Variants in SNCB observed in about 807,000 individuals in gnomAD.
SNCB encodes synuclein beta.
A neutral mutation model predicts 20.0 loss-of-function variants in SNCB; 8 were observed. The ratio of observed to expected loss-of-function variants is 0.40; its 90% CI spans 0.24 to 0.72. The LOEUF (loss-of-function observed/expected upper bound fraction) is 0.72. Among genes scored for constraint, SNCB ranks in the 30% least tolerant of loss-of-function variants. SNCB has a pLI of 0.37. For synonymous variants in SNCB, 56 were observed against 65.4 expected (o/e 0.86, Z 0.69); for missense variants, 125 against 168.0 (o/e 0.74, Z 1.41).
chr5:176,625,294 G>A (rs139343708), intron 4 of SNCB, among the ~76,000 whole-genome samples: 128 of 152,226 alleles, frequency 8.4e-4, no homozygotes, highest in African/African-American at 3.0e-3. Flanking sequence ...AACCTCACCC[G>A]GGTACTTGTT....
rs149810240 is a variant in SNCB, at chr5:176,621,217, G to A, written c.369C>T (p.Pro123=). Residue 123 remains proline (P), a synonymous_variant, in exon 5 of 6, where the codon CCC becomes CCT. Coordinates refer to ENST00000393693, the MANE Select transcript of SNCB (RefSeq NM_003085.5). The surrounding 1 kb of genome is among the most constrained non-coding windows in gnomAD (Gnocchi z 4.1). The part of the protein sequence containing the change: ...EPEGESYEDP[P]QEEYQEYEPE... ...CCCAGCCCTGCTGCCCCCTCACCTG[G>A]GGTGGGTCCTCATAACTCTCCCCTT... 2 of 1,611,862 alleles carry A rather than the reference G, an allele frequency of 1.2e-6. No individual in the cohort carries two copies. Among genetic ancestry groups the A allele is most frequent in the African/African-American group, 2.7e-5 (2 of 74,872 alleles).
At position 176,620,674 on chromosome 5, in the gene SNCB, G is replaced by A. The variant is rs1759522432; in HGVS notation, c.*137C>T. On this transcript the variant is annotated 3_prime_UTR_variant, in exon 6 of 6. Transcript: ENST00000393693. The surrounding 1 kb of genome is among the most constrained non-coding windows in gnomAD (Gnocchi z 4.5). ...AGACAGATGGACAGACACTAACACAGGCTCCGAGGGGGTTGCCTCAGAGCG... is the reference window on the plus strand; with the variant it reads ...AGACAGATGGACAGACACTAACACAAGCTCCGAGGGGGTTGCCTCAGAGCG... 1.3e-6 allele frequency: 1 copy of A among 751,358 alleles called. No homozygotes were observed. Among genetic ancestry groups the A allele is most frequent in the African/African-American group, 1.7e-5 (1 of 58,590 alleles). The allele number at this position is 751,358 out of a possible 1,614,324, so 46.5% of individuals were successfully genotyped here. A position where few individuals can be genotyped will look rare whatever the true frequency, so the allele number is the denominator to read the frequency against.
rs971220918 is a variant in SNCB, at chr5:176,626,842, T to A, written c.122-81A>T. 4.1e-5 allele frequency: 60 copies of A among 1,478,186 alleles called. No homozygotes were observed. The highest frequency in any genetic ancestry group is 3.5e-4 in the Middle Eastern group (2 of 5,706). The allele number at this position is 1,478,186 out of a possible 1,614,324, so 91.6% of individuals were successfully genotyped here. ...CCAGCACAGCATGGTGATTACAGAG[T>A]GGGCATCCTGGCCCCGTCACTGCCT... On this transcript the variant is annotated intron_variant, in intron 2 of 5. Transcript: ENST00000393693. The surrounding 1 kb of genome is among the most constrained non-coding windows in gnomAD (Gnocchi z 4.2).
At position 176,621,904 on chromosome 5, in the gene SNCB, T is replaced by C. The variant is rs1185509666; in HGVS notation, c.283-601A>G. ...CCAGACAGGCGCAGACCAGCGGGCA[T>C]GCATGTGGGCGGGCTGCCAGACACA... is the stretch of plus-strand genomic sequence containing the variant. On this transcript the variant is annotated intron_variant, in intron 4 of 5. Coordinates refer to ENST00000393693, the MANE Select transcript of SNCB (RefSeq NM_003085.5). The surrounding 1 kb of genome is among the most constrained non-coding windows in gnomAD (Gnocchi z 4.1). Among the ~76,000 whole-genome samples the C allele has an allele frequency of 1.3e-5, 2 of 152,224 alleles. No homozygotes were observed. Among genetic ancestry groups the C allele is most frequent in the African/African-American group, 2.4e-5 (1 of 41,464 alleles).
chr5:176,621,069 C>T lies in SNCB; in HGVS notation c.372+145G>A. 3.8e-6 allele frequency: 3 copies of T among 784,764 alleles called. No homozygotes were observed. Among genetic ancestry groups the T allele is most frequent in the Non-Finnish European group, 6.5e-6 (3 of 458,162 alleles). 48.6% of individuals were successfully genotyped at this position (784,764 alleles called of 1,614,324 possible). On this transcript the variant is annotated intron_variant, in intron 5 of 5. Transcript: ENST00000393693. The surrounding 1 kb of genome is among the most constrained non-coding windows in gnomAD (Gnocchi z 4.1). Reference sequence around the variant, plus strand: ...CCTATCTGCCCTCTCCTCCCTGCTCCCACCTCCTGGGGCCTGGGTTCTAGA... The same window carrying T: ...CCTATCTGCCCTCTCCTCCCTGCTCTCACCTCCTGGGGCCTGGGTTCTAGA...
At position 176,620,673 on chromosome 5, in the gene SNCB, A is replaced by G. The variant is rs1759522282; in HGVS notation, c.*138T>C. 3 of 748,462 alleles carry G rather than the reference A, an allele frequency of 4.0e-6. No individual in the cohort carries two copies. Among genetic ancestry groups the G allele is most frequent in the Admixed American group, 3.6e-5 (2 of 56,272 alleles). The allele number at this position is 748,462 out of a possible 1,614,324, so 46.4% of individuals were successfully genotyped here. The stretch of plus-strand genomic sequence containing the variant: ...CAGACAGATGGACAGACACTAACAC[A>G]GGCTCCGAGGGGGTTGCCTCAGAGC... On this transcript the variant is annotated 3_prime_UTR_variant, in exon 6 of 6. Transcript: ENST00000393693. This position sits in a 1 kb window ranked among gnomAD's most constrained non-coding sequence, Gnocchi z 4.5.
chr5:176,623,656 T>G (rs1759754341), intron 4 of SNCB, among the ~76,000 whole-genome samples: 2 of 151,408 alleles, frequency 1.3e-5, no homozygotes, highest in African/African-American at 4.9e-5. Flanking sequence ...ACAAGGGGAG[T>G]TCCCTTTGTG....
In SNCB at chr5:176,629,660, C is replaced by A. The variant is rs200888667; in HGVS notation, c.-6G>T. ...CCCTTCATGAACACGTCCATCCTGG[C>A]GGCCTGGGGAGGGCGATACACGGGC... On this transcript the variant is annotated 5_prime_UTR_variant, in exon 2 of 6. Coordinates refer to ENST00000393693, the MANE Select transcript of SNCB (RefSeq NM_003085.5). This position sits in a 1 kb window ranked among gnomAD's most constrained non-coding sequence, Gnocchi z 4.1. The A allele has an allele frequency of 8.1e-6, 13 of 1,612,970 alleles. No individual in the cohort carries two copies. The East Asian group carries it at 1.8e-4, about 22-fold the overall frequency.
intron 2 of SNCB, among the ~76,000 whole-genome samples, chr5:176,627,861 G>A (rs1188847736): frequency 6.6e-6 from 1 of 152,254 alleles, no homozygotes; most frequent in Non-Finnish European, 1.5e-5. Context: ...TCAGTTCCTG[G>A]ACCTCAAGTA....
chr5:176,627,574 G>A (rs1404615777), intron 2 of SNCB, among the ~76,000 whole-genome samples: 2 of 152,240 alleles, frequency 1.3e-5, no homozygotes, highest in African/African-American at 2.4e-5. Context: ...CGGAAACGGG[G>A]TGGGGAGTAT....
rs1357558856 is a variant in SNCB, at chr5:176,621,974, G to A, written c.283-671C>T. ...GACCACATGTATGTGAACAAACATG[G>A]GACTGAGCTGGCTGCACACACAAGC... On this transcript the variant is annotated intron_variant, in intron 4 of 5. Coordinates refer to ENST00000393693, the MANE Select transcript of SNCB (RefSeq NM_003085.5). The surrounding 1 kb of genome is among the most constrained non-coding windows in gnomAD (Gnocchi z 4.1). 6.6e-6 allele frequency among the ~76,000 whole-genome samples: 1 copy of A among 152,250 alleles called. No homozygotes were observed. The highest frequency in any genetic ancestry group is 1.5e-5 in the Non-Finnish European group (1 of 68,038).
rs1416227080 is a variant in SNCB at position 176,626,859 on chromosome 5, T to A, written c.122-98A>T. On this transcript the variant is annotated intron_variant, in intron 2 of 5. Transcript: ENST00000393693. The surrounding 1 kb of genome is among the most constrained non-coding windows in gnomAD (Gnocchi z 4.2). ...TTACAGAGTGGGCATCCTGGCCCCG[T>A]CACTGCCTCCTTGGGTCCCCACATC... 1 of 1,299,014 alleles carries A rather than the reference T, an allele frequency of 7.7e-7. No individual in the cohort carries two copies. Among genetic ancestry groups the A allele is most frequent in the Non-Finnish European group, 1.1e-6 (1 of 895,110 alleles). The allele number at this position is 1,299,014 out of a possible 1,614,324, so 80.5% of individuals were successfully genotyped here.
At chr5:176,622,738 T>A (rs1759682508) in intron 4 of SNCB, among the ~76,000 whole-genome samples, 2 of 142,898 alleles carry the variant, frequency 1.4e-5, no homozygotes, top group Non-Finnish European at 1.5e-5. Flanking sequence ...ATGACTTTTT[T>A]TTTTTTTTTT....
At chr5:176,628,640 CA>C (rs1322233933) in intron 2 of SNCB, among the ~76,000 whole-genome samples, 1 of 152,166 alleles carries the variant, frequency 6.6e-6, no homozygotes, top group Non-Finnish European at 1.5e-5. Flanking sequence ...GGCTTTTCTG[CA>C]GCCCTGCCCC....
Position 176,629,157 on chromosome 5 carries a change from C to T in SNCB, c.121+377G>A, listed in dbSNP as rs183437371. Among the ~76,000 whole-genome samples the T allele has an allele frequency of 1.3e-5, 2 of 152,056 alleles. No individual in the cohort carries two copies. The highest frequency in any genetic ancestry group is 2.4e-5 in the African/African-American group (1 of 41,456). On this transcript the variant is annotated intron_variant, in intron 2 of 5. Transcript: ENST00000393693. The surrounding 1 kb of genome is among the most constrained non-coding windows in gnomAD (Gnocchi z 4.1). ...AGTTTCCCTTACCTGTAGAATGGGCCGAAGCATTACATGAGGAAATGGATG... is the reference window on the plus strand; with the variant it reads ...AGTTTCCCTTACCTGTAGAATGGGCTGAAGCATTACATGAGGAAATGGATG...
chr5:176,622,720 C>A (rs1759678458), intron 4 of SNCB, among the ~76,000 whole-genome samples: 1 of 148,112 alleles, frequency 6.8e-6, no homozygotes, highest in Admixed American at 6.7e-5. Flanking sequence ...AAGAGCATGG[C>A]CTTCATGATG....
In SNCB at chr5:176,629,867, G is replaced by T. The variant is rs1016596826; in HGVS notation, c.-9-204C>A. 1 of 633,058 alleles carries T rather than the reference G, an allele frequency of 1.6e-6. No individual in the cohort carries two copies. The highest frequency in any genetic ancestry group is 1.9e-5 in the African/African-American group (1 of 53,878). The allele number at this position is 633,058 out of a possible 1,614,324, so 39.2% of individuals were successfully genotyped here. ...AGAGTCCTAGCGTCCTTGAAACCTG[G>T]GGACGCGGGAGGGGCCACTGCCTCG... On this transcript the variant is annotated intron_variant, in intron 1 of 5. Coordinates refer to ENST00000393693, the MANE Select transcript of SNCB (RefSeq NM_003085.5). This position sits in a 1 kb window ranked among gnomAD's most constrained non-coding sequence, Gnocchi z 4.1.
In SNCB at chr5:176,621,826, G is replaced by A. The variant is rs532733723; in HGVS notation, c.283-523C>T. ...TAAGCTGGAAGCCACAGCTCGTGGT[G>A]TTGCTTGGATGTGTGAGCTAAGACT... On this transcript the variant is annotated intron_variant, in intron 4 of 5. Coordinates refer to ENST00000393693, the MANE Select transcript of SNCB (RefSeq NM_003085.5). This position sits in a 1 kb window ranked among gnomAD's most constrained non-coding sequence, Gnocchi z 4.1. Among the ~76,000 whole-genome samples, 1 of 152,306 alleles carries A rather than the reference G, an allele frequency of 6.6e-6. No homozygotes were observed. Among genetic ancestry groups the A allele is most frequent in the East Asian group, 1.9e-4 (1 of 5,180 alleles).
chr5:176,630,176 G>C (rs1369415059), intron 1 of SNCB, 104 bp downstream of exon 1: 1 of 152,368 alleles, frequency 6.6e-6, no homozygotes, highest in East Asian at 1.9e-4. Flanking sequence ...CGCATCCCCC[G>C]GGTCTCCCTC....
Sources: gnomAD v4.1 joint callset for allele counts (sites outside exome capture counted in the v4.1 genomes callset) on GRCh38, gnomAD v4.1.1 for gene constraint, Gnocchi (gnomAD v3.1) non-coding constraint, MANE v1.5 for transcripts, NCBI Gene and HGNC (gene_info 2026-07-23, HGNC 2026-07-21) for gene names.